The following SIPA1L1 variants were observed in gnomAD, a reference collection of about 807,000 sequenced individuals.
The protein encoded by SIPA1L1 is signal induced proliferation associated 1 like 1.
Under a neutral mutation model 162.7 loss-of-function variants are expected in SIPA1L1, and 26 were observed. That is an observed-to-expected ratio of 0.16 (90% confidence interval 0.12 to 0.22). The LOEUF is 0.22. Among genes scored for constraint, SIPA1L1 ranks in the 10% least tolerant of loss-of-function variants. The pLI, the probability that SIPA1L1 is intolerant of heterozygous loss-of-function variation, is 1.00. For synonymous variants in SIPA1L1, 829 were observed against 837.4 expected (o/e 0.99, Z 0.17); for missense variants, 1,874 against 2,241.0 (o/e 0.84, Z 3.31).
intron 4 of SIPA1L1, among the ~76,000 whole-genome samples, chr14:71,536,566 A>G (rs2053924679): frequency 1.3e-5 from 2 of 152,206 alleles, no homozygotes; most frequent in South Asian, 4.1e-4. Flanking sequence ...TTTAGCCTGG[A>G]ATTCTTTTGG....
chr14:71,696,202 C>T (rs2081614848), intron 13 of SIPA1L1, among the ~76,000 whole-genome samples: 1 of 152,176 alleles, frequency 6.6e-6, no homozygotes, highest in Non-Finnish European at 1.5e-5. Context: ...ATATTTCTCA[C>T]AGTCTGTATA....
chr14:71,645,262 C>A (rs2042060014), intron 7 of SIPA1L1, among the ~76,000 whole-genome samples: 1 of 152,194 alleles, frequency 6.6e-6, no homozygotes, highest in Admixed American at 6.5e-5. Context: ...TTGGGCCCAT[C>A]TGGATAATCC....
chr14:71,582,066 G>A (rs369205622), intron 4 of SIPA1L1, among the ~76,000 whole-genome samples: 1 of 152,110 alleles, frequency 6.6e-6, no homozygotes, highest in African/African-American at 2.4e-5. Flanking sequence ...TCCACCATGG[G>A]TTGGGTGCAC....
At chr14:71,356,567 C>CAAAAAAAAAAA (rs71105772) in intron 2 of SIPA1L1, among the ~76,000 whole-genome samples, 1,044 of 39,132 alleles carry the variant, frequency 0.027, 373 homozygotes, top group African/African-American at 0.079. Context: ...CTTGTCTCTA[C>CAAAAAAAAAAA]AAAAAAAAAA....
chr14:71,532,878 G>A (rs2053567779), intron 4 of SIPA1L1, among the ~76,000 whole-genome samples: 1 of 152,194 alleles, frequency 6.6e-6, no homozygotes, highest in Non-Finnish European at 1.5e-5. Flanking sequence ...GGTAGGAAGT[G>A]TGGCCTGTCT....
intron 7 of SIPA1L1, among the ~76,000 whole-genome samples, chr14:71,646,652 A>C (rs1489555757): frequency 1.3e-5 from 2 of 152,192 alleles, no homozygotes; most frequent in African/African-American, 4.8e-5. Flanking sequence ...ACTGACCACC[A>C]TCACTTTTGT....
At position 71,411,122 on chromosome 14, in the gene SIPA1L1, GT is replaced by G. The variant is rs532284410; in HGVS notation, c.-465+89951del. ...ACATCAGACTTTTCTTTAGCATTTT[GT>G]TTTTTTTTTCTTGCTGCTTTTACAG... On this transcript the variant is annotated intron_variant, in intron 2 of 23. Transcript: ENST00000381232. 5.4e-3 allele frequency among the ~76,000 whole-genome samples: 800 copies of G among 147,562 alleles called. 6 individuals carry two copies. The highest frequency in any genetic ancestry group is 0.018 in the African/African-American group (733 of 40,388).
intron 3 of SIPA1L1, among the ~76,000 whole-genome samples, chr14:71,514,056 A>G (rs2051453449): frequency 6.6e-6 from 1 of 152,206 alleles, no homozygotes; most frequent in African/African-American, 2.4e-5. Context: ...GCAGAAGAAG[A>G]GACCGAGGCA....
chr14:71,383,958 C>G (rs945062831), intron 2 of SIPA1L1, among the ~76,000 whole-genome samples: 2 of 152,118 alleles, frequency 1.3e-5, no homozygotes, highest in Non-Finnish European at 2.9e-5. Context: ...TGTTTATTAC[C>G]TATTCTCTGG....
chr14:71,410,520 AG>A (rs1199283960), intron 2 of SIPA1L1, among the ~76,000 whole-genome samples: 1 of 152,218 alleles, frequency 6.6e-6, no homozygotes, highest in Non-Finnish European at 1.5e-5. Context: ...GGAAGTGTTT[AG>A]GATTTTTTAT....
intron 2 of SIPA1L1, among the ~76,000 whole-genome samples, chr14:71,508,324 G>T (rs1048111420): frequency 6.6e-6 from 1 of 152,124 alleles, no homozygotes; most frequent in African/African-American, 2.4e-5. Flanking sequence ...TTTAAGTTTG[G>T]TATGTTACTA....
At chr14:71,685,213 A>G in intron 12 of SIPA1L1, 149 bp from the exon 13 acceptor site, 2 of 866,448 alleles carry the variant, frequency 2.3e-6, no homozygotes, top group South Asian at 1.7e-5. Context: ...AAAAGAAAAT[A>G]AGTACTAGGG....
intron 12 of SIPA1L1, among the ~76,000 whole-genome samples, chr14:71,682,901 C>G (rs2045935977): frequency 6.6e-6 from 1 of 152,180 alleles, no homozygotes; most frequent in African/African-American, 2.4e-5. Context: ...TGCCTGGAAT[C>G]CCAGTACTTT....
chr14:71,739,279 C>T lies in SIPA1L1; in HGVS notation c.*118C>T. On this transcript the variant is annotated 3_prime_UTR_variant, in exon 24 of 24. Transcript: ENST00000381232. Reference sequence around the variant, plus strand: ...CACCTTCCCTGGCTTCCTACTCTGCCCCCTTTCGGGGAGTGCACAACACAA... The same window carrying T: ...CACCTTCCCTGGCTTCCTACTCTGCTCCCTTTCGGGGAGTGCACAACACAA... 1.0e-6 allele frequency: 1 copy of T among 986,426 alleles called. No individual in the cohort carries two copies. Among genetic ancestry groups the T allele is most frequent in the Non-Finnish European group, 1.4e-6 (1 of 708,328 alleles). The allele number at this position is 986,426 out of a possible 1,614,324, so 61.1% of individuals were successfully genotyped here.
At chr14:71,425,530 T>C (rs2140796387) in intron 2 of SIPA1L1, among the ~76,000 whole-genome samples, 1 of 152,300 alleles carries the variant, frequency 6.6e-6, no homozygotes, top group South Asian at 2.1e-4. Flanking sequence ...GAAATAGTTT[T>C]ACTTCTTATT....
chr14:71,427,229 TTC>T (rs1382267446), intron 2 of SIPA1L1, among the ~76,000 whole-genome samples: 5 of 151,824 alleles, frequency 3.3e-5, no homozygotes, highest in Admixed American at 2.6e-4. Context: ...GTAGTCAACT[TTC>T]TCAGCTTTTT....
chr14:71,546,468 G>A (rs562095520), intron 4 of SIPA1L1, among the ~76,000 whole-genome samples: 2 of 136,380 alleles, frequency 1.5e-5, no homozygotes, highest in Non-Finnish European at 3.0e-5. Flanking sequence ...TGCAACCTCC[G>A]CCTTCCAGGT....
chr14:71,465,500 C>T (rs1470542590), intron 2 of SIPA1L1, among the ~76,000 whole-genome samples: 1 of 152,210 alleles, frequency 6.6e-6, no homozygotes, highest in Non-Finnish European at 1.5e-5. Flanking sequence ...CCTTGCTGCT[C>T]ACAGTGGTGA....
At chr14:71,463,783 A>G (rs1444017728) in intron 2 of SIPA1L1, among the ~76,000 whole-genome samples, 5 of 152,182 alleles carry the variant, frequency 3.3e-5, no homozygotes, top group African/African-American at 1.2e-4. Flanking sequence ...GATATAAATT[A>G]AGTAGAAATG....
Sources: gnomAD v4.1 joint callset for allele counts (sites outside exome capture counted in the v4.1 genomes callset) on GRCh38, gnomAD v4.1.1 for gene constraint, MANE v1.5 for transcripts, NCBI Gene and HGNC (gene_info 2026-07-23, HGNC 2026-07-21) for gene names.